Variants in CAMKMT observed in about 807,000 individuals in gnomAD.
CAMKMT encodes the protein calmodulin-lysine N-methyltransferase.
Under a neutral mutation model 48.0 loss-of-function variants are expected in CAMKMT, and 53 were observed. That is an observed-to-expected ratio of 1.10 (90% confidence interval 0.89 to 1.39). CAMKMT has a LOEUF of 1.39. CAMKMT is among the 40% of genes most tolerant of loss of function. The probability of loss-of-function intolerance (pLI) is 0.00; values close to 1 mark genes in which losing one functional copy is unlikely to be tolerated. For missense variants in CAMKMT, 428 were observed against 402.7 expected, an observed-to-expected ratio of 1.06 and a Z score of -0.54; for synonymous variants, 165 against 152.3, an observed-to-expected ratio of 1.08 and a Z score of -0.61.
At chr2:44,430,824 C>G (rs1684604598) in intron 3 of CAMKMT, among the ~76,000 whole-genome samples, 2 of 151,928 alleles carry the variant, frequency 1.3e-5, no homozygotes, top group African/African-American at 2.4e-5. Context: ...GTAGCATATC[C>G]AGAAGCAAGG....
At chr2:44,603,886 A>G (rs1281909948) in intron 3 of CAMKMT, among the ~76,000 whole-genome samples, 4 of 152,228 alleles carry the variant, frequency 2.6e-5, no homozygotes, top group Admixed American at 2.6e-4. Context: ...AAGAAATACA[A>G]GATATTGACT....
intron 1 of CAMKMT, among the ~76,000 whole-genome samples, chr2:44,369,369 C>T (rs1451067082): frequency 6.6e-6 from 1 of 152,042 alleles, no homozygotes; most frequent in African/African-American, 2.4e-5. Flanking sequence ...TTATTTTGAT[C>T]TCAGTTTGCC....
chr2:44,450,223 C>T (rs1667219102), intron 3 of CAMKMT, among the ~76,000 whole-genome samples: 1 of 152,062 alleles, frequency 6.6e-6, no homozygotes, highest in Admixed American at 6.6e-5. Flanking sequence ...ACTTACACTG[C>T]GTCTCACTGA....
chr2:44,748,397 A>AT (rs898301683), intron 8 of CAMKMT, among the ~76,000 whole-genome samples: 12 of 149,436 alleles, frequency 8.0e-5, no homozygotes, highest in Middle Eastern at 3.4e-3. Flanking sequence ...GGTGCTGTTC[A>AT]TTTTTTTTTT....
At chr2:44,362,850 G>C (rs1180456343) in intron 1 of CAMKMT, among the ~76,000 whole-genome samples, 2 of 152,204 alleles carry the variant, frequency 1.3e-5, no homozygotes, top group African/African-American at 2.4e-5. Context: ...GTGCAAGCTT[G>C]ACGGAAGTTC....
chr2:44,686,545 A>G (rs183115978), intron 3 of CAMKMT, among the ~76,000 whole-genome samples: 108 of 152,362 alleles, frequency 7.1e-4, no homozygotes, highest in African/African-American at 2.5e-3. Context: ...ACTCTCTACT[A>G]TCTTTGCAAC....
intron 8 of CAMKMT, among the ~76,000 whole-genome samples, chr2:44,753,467 G>A (rs1056076451): frequency 6.6e-5 from 10 of 151,912 alleles, no homozygotes; most frequent in African/African-American, 2.4e-4. Flanking sequence ...TCAATGTAGA[G>A]GCCCAGAGAG....
At chr2:44,491,601 T>A (rs1669509174) in intron 3 of CAMKMT, among the ~76,000 whole-genome samples, 1 of 152,254 alleles carries the variant, frequency 6.6e-6, no homozygotes, top group Non-Finnish European at 1.5e-5. Flanking sequence ...GATAGTTGTA[T>A]AATATAGAAA....
At chr2:44,533,516 G>C (rs975626372) in intron 3 of CAMKMT, among the ~76,000 whole-genome samples, 1 of 152,186 alleles carries the variant, frequency 6.6e-6, no homozygotes, top group Non-Finnish European at 1.5e-5. Context: ...TGGGATTACA[G>C]GCATGAGCCA....
chr2:44,469,552 T>A (rs1668308835), intron 3 of CAMKMT, among the ~76,000 whole-genome samples: 2 of 152,096 alleles, frequency 1.3e-5, no homozygotes, highest in African/African-American at 2.4e-5. Flanking sequence ...GTATGTTAAA[T>A]CTTCTTCTTT....
At chr2:44,644,907 A>C (rs1261685690) in intron 3 of CAMKMT, among the ~76,000 whole-genome samples, 1 of 152,142 alleles carries the variant, frequency 6.6e-6, no homozygotes, top group Non-Finnish European at 1.5e-5. Flanking sequence ...TGAAATATAT[A>C]ATTACCAACT....
chr2:44,520,242 T>G lies in CAMKMT; in HGVS notation c.376+129937T>G, dbSNP rs527625396. Among the ~76,000 whole-genome samples, 6 of 151,814 alleles carry G rather than the reference T, an allele frequency of 4.0e-5. No individual in the cohort carries two copies. The South Asian group carries it at 1.2e-3, about 32-fold the overall frequency. ...TCAAAAAATAAATACATAAATAAAT[T>G]TATTTTAGTTGAGATGGGGTCTCGC... On this transcript the variant is annotated intron_variant, in intron 3 of 10. Transcript: ENST00000378494.
At chr2:44,725,143 C>CGTGTGTGTGTGTGTGTGTGTGT (rs4039394) in intron 7 of CAMKMT, among the ~76,000 whole-genome samples, 36 of 140,642 alleles carry the variant, frequency 2.6e-4, no homozygotes, top group Non-Finnish European at 3.9e-4. Flanking sequence ...GCTTTCTGGA[C>CGTGTGTGTGTGTGTGTGTGTGT]GTGTGTGTGT....
At chr2:44,551,423 A>G (rs1435261751) in intron 3 of CAMKMT, among the ~76,000 whole-genome samples, 1 of 152,292 alleles carries the variant, frequency 6.6e-6, no homozygotes, top group South Asian at 2.1e-4. Flanking sequence ...TCCATAGGCC[A>G]TTACCACTGG....
chr2:44,518,933 T>C (rs1343021446), intron 3 of CAMKMT, among the ~76,000 whole-genome samples: 1 of 152,204 alleles, frequency 6.6e-6, no homozygotes, highest in East Asian at 1.9e-4. Context: ...GGAAAGGCAG[T>C]CCAGTATATA....
chr2:44,506,799 G>A (rs1025167304), intron 3 of CAMKMT, among the ~76,000 whole-genome samples: 40 of 152,002 alleles, frequency 2.6e-4, no homozygotes, highest in African/African-American at 8.7e-4. Flanking sequence ...TGTTTAAACC[G>A]TTCTTGCTTT....
intron 7 of CAMKMT, among the ~76,000 whole-genome samples, chr2:44,736,535 C>A (rs1333961687): frequency 6.6e-6 from 1 of 152,084 alleles, no homozygotes; most frequent in Non-Finnish European, 1.5e-5. Flanking sequence ...GTTGAAATTT[C>A]TTGCTGAGTT....
intron 10 of CAMKMT, among the ~76,000 whole-genome samples, chr2:44,771,570 C>A (rs1175965011): frequency 6.6e-6 from 1 of 152,116 alleles, no homozygotes; most frequent in Non-Finnish European, 1.5e-5. Flanking sequence ...ACCTGGAGAG[C>A]CTTTGCAGTG....
intron 3 of CAMKMT, among the ~76,000 whole-genome samples, chr2:44,546,919 C>T (rs567848104): frequency 1.3e-5 from 2 of 152,146 alleles, no homozygotes; most frequent in African/African-American, 4.8e-5. Context: ...GTGTTGGTTT[C>T]ATTTCTCTCT....
Sources: allele counts gnomAD v4.1 joint callset (sites outside exome capture counted in the v4.1 genomes callset), GRCh38; gene constraint gnomAD v4.1.1; transcripts MANE v1.5; gene names NCBI Gene and HGNC (gene_info 2026-07-23, HGNC 2026-07-21).